Variants in CNBD1 observed in about 807,000 individuals in gnomAD.
The protein encoded by CNBD1 is cyclic nucleotide binding domain containing 1.
A neutral mutation model predicts 54.4 loss-of-function variants in CNBD1; 71 were observed. The ratio of observed to expected loss-of-function variants is 1.30; its 90% confidence interval spans 1.08 to 1.59. The LOEUF is 1.59. CNBD1 is among the 40% of genes most tolerant of loss of function. The pLI is 0.00. For synonymous variants in CNBD1, 182 were observed against 170.7 expected, an observed-to-expected ratio of 1.07 and a Z score of -0.51; for missense variants, 659 against 518.0, an observed-to-expected ratio of 1.27 and a Z score of -2.64.
At chr8:87,064,284 A>G (rs1030784718) in intron 4 of CNBD1, among the ~76,000 whole-genome samples, 18 of 151,680 alleles carry the variant, frequency 1.2e-4, no homozygotes, top group Non-Finnish European at 2.2e-4. Context: ...TGTATATTAG[A>G]TTTTTCTTCC....
chr8:87,301,963 C>CAAT (rs1809006907), intron 8 of CNBD1, among the ~76,000 whole-genome samples: 1 of 152,058 alleles, frequency 6.6e-6, no homozygotes, highest in Non-Finnish European at 1.5e-5. Flanking sequence ...CTGAATAGAC[C>CAAT]AATAACAGGC....
intron 8 of CNBD1, among the ~76,000 whole-genome samples, chr8:87,336,362 T>C (rs1809944949): frequency 6.6e-6 from 1 of 152,182 alleles, no homozygotes; most frequent in African/African-American, 2.4e-5. Context: ...TCTTTTGATA[T>C]AGTCTCATGT....
At chr8:87,257,365 A>G (rs1328229582) in intron 6 of CNBD1, among the ~76,000 whole-genome samples, 4 of 148,514 alleles carry the variant, frequency 2.7e-5, no homozygotes, top group African/African-American at 5.1e-5. Flanking sequence ...GCAAAACTCT[A>G]TCGCAAAAAA....
chr8:87,101,746 C>G (rs1179181115), intron 4 of CNBD1, among the ~76,000 whole-genome samples: 1 of 151,930 alleles, frequency 6.6e-6, no homozygotes, highest in Non-Finnish European at 1.5e-5. Flanking sequence ...ATTAAGAAAT[C>G]TCAATAAAAA....
chr8:87,205,241 C>A (rs982539281), intron 4 of CNBD1, among the ~76,000 whole-genome samples: 5 of 152,060 alleles, frequency 3.3e-5, no homozygotes, highest in Non-Finnish European at 7.4e-5. Context: ...ACCATGTTGG[C>A]CAGGATAGTC....
chr8:87,228,962 G>T (rs183149336), intron 5 of CNBD1, among the ~76,000 whole-genome samples: 10 of 152,180 alleles, frequency 6.6e-5, no homozygotes, highest in East Asian at 5.8e-4. Context: ...TTTTAAGCCC[G>T]TCGGAAAAGC....
intron 4 of CNBD1, among the ~76,000 whole-genome samples, chr8:87,175,521 T>G: frequency 6.6e-6 from 1 of 152,114 alleles, no homozygotes; most frequent in East Asian, 1.9e-4. Flanking sequence ...TGGCCCAGGG[T>G]TTGTCTAGAA....
chr8:87,426,098 C>A (rs1808043403), intron 2 of CNBD1, among the ~76,000 whole-genome samples: 1 of 152,232 alleles, frequency 6.6e-6, no homozygotes, highest in Non-Finnish European at 1.5e-5. Context: ...CCGTCCATCA[C>A]CCCTTTCTTT....
intron 3 of CNBD1, among the ~76,000 whole-genome samples, chr8:86,937,878 A>G (rs897273602): frequency 2.0e-5 from 3 of 152,104 alleles, no homozygotes; most frequent in African/African-American, 7.2e-5. Context: ...GCCACCTTGA[A>G]TTTCTCCTCA....
At chr8:87,358,525 G>A (rs1252395205) in intron 10 of CNBD1, among the ~76,000 whole-genome samples, 1 of 151,666 alleles carries the variant, frequency 6.6e-6, no homozygotes, top group Non-Finnish European at 1.5e-5. Context: ...ACTCTTTTAT[G>A]TAAAACAACA....
chr8:87,117,398 C>CAA (rs57622902), intron 4 of CNBD1, among the ~76,000 whole-genome samples: 18,547 of 106,874 alleles, frequency 0.17, 1,635 homozygotes, highest in Middle Eastern at 0.21. Flanking sequence ...GATTCCGTCT[C>CAA]AAAAAAAAAA....
At chr8:87,298,051 G>T (rs910993836) in intron 8 of CNBD1, among the ~76,000 whole-genome samples, 2 of 151,426 alleles carry the variant, frequency 1.3e-5, no homozygotes, top group Admixed American at 6.6e-5. Context: ...TATAAGCTGA[G>T]CTGTATTTTA....
At chr8:87,082,452 T>C (rs1051482730) in intron 4 of CNBD1, among the ~76,000 whole-genome samples, 2 of 152,234 alleles carry the variant, frequency 1.3e-5, no homozygotes, top group Non-Finnish European at 2.9e-5. Context: ...ATGACACTGA[T>C]CACTTTATAG....
intron 4 of CNBD1, among the ~76,000 whole-genome samples, chr8:87,097,594 T>C (rs768789543): frequency 6.6e-6 from 1 of 152,230 alleles, no homozygotes; most frequent in African/African-American, 2.4e-5. Context: ...TAGGGAAGAA[T>C]AACATTTTAA....
At chr8:87,365,861 A>G (rs972327542) in intron 10 of CNBD1, among the ~76,000 whole-genome samples, 1 of 152,088 alleles carries the variant, frequency 6.6e-6, no homozygotes, top group African/African-American at 2.4e-5. Context: ...TTTACAAAGG[A>G]ATTTTATAAT....
intron 4 of CNBD1, among the ~76,000 whole-genome samples, chr8:86,940,132 C>CTTTTTTTTCTTTTTTTTTTTTTTTTTT (rs1554632387): frequency 1.1e-5 from 1 of 88,742 alleles, no homozygotes; most frequent in African/African-American, 4.6e-5. Context: ...CCACATGTTA[C>CTTTTTTTTCTTTTTTTTTTTTTTTTTT]TTTTTTTTTT....
intron 4 of CNBD1, among the ~76,000 whole-genome samples, chr8:87,073,062 T>C (rs1411343553): frequency 2.0e-5 from 3 of 151,956 alleles, no homozygotes; most frequent in Non-Finnish European, 4.4e-5. Context: ...TCCAGAAAGA[T>C]AGTCTTCAAG....
intron 4 of CNBD1, among the ~76,000 whole-genome samples, chr8:87,102,941 CAA>C (rs1418659061): frequency 6.6e-6 from 1 of 152,008 alleles, no homozygotes; most frequent in Non-Finnish European, 1.5e-5. Flanking sequence ...ATAAAAGAGA[CAA>C]TATAGGGAGA....
intron 6 of CNBD1, among the ~76,000 whole-genome samples, chr8:87,252,215 G>T (rs565894296): frequency 2.6e-5 from 4 of 152,154 alleles, no homozygotes; most frequent in East Asian, 1.9e-4. Flanking sequence ...AAAGGAAAAG[G>T]CTTTTCCATT....
Sources: gnomAD v4.1 joint callset for allele counts (sites outside exome capture counted in the v4.1 genomes callset) on GRCh38, gnomAD v4.1.1 for gene constraint, MANE v1.5 for transcripts, NCBI Gene and HGNC (gene_info 2026-07-23, HGNC 2026-07-21) for gene names.